Variants in DSCAML1 observed in about 807,000 individuals in gnomAD.
The protein encoded by DSCAML1 is cell adhesion molecule DSCAML1.
A neutral mutation model predicts 200.5 loss-of-function variants in DSCAML1; 38 were observed. That is an observed-to-expected ratio of 0.19 (90% CI 0.15 to 0.25). The LOEUF (loss-of-function observed/expected upper bound fraction) is 0.25. Among genes scored for constraint, DSCAML1 ranks in the 10% least tolerant of loss-of-function variants. DSCAML1 has a pLI of 1.00. For synonymous variants in DSCAML1, 1,215 were observed against 1,165.0 expected, an observed-to-expected ratio of 1.04 and a Z score of -0.87; for missense variants, 2,223 against 2,858.8, an observed-to-expected ratio of 0.78 and a Z score of 5.07.
chr11:117,497,374 G>A (rs1270430547), intron 11 of DSCAML1, among the ~76,000 whole-genome samples: 2 of 152,190 alleles, frequency 1.3e-5, no homozygotes, highest in Non-Finnish European at 2.9e-5. Context: ...GCTCAGGGCT[G>A]CAGACCTCCT....
At chr11:117,703,813 C>T (rs2053708461) in intron 3 of DSCAML1, among the ~76,000 whole-genome samples, 1 of 152,084 alleles carries the variant, frequency 6.6e-6, no homozygotes, top group Non-Finnish European at 1.5e-5. Flanking sequence ...AGAGGTGGCC[C>T]AAGAAACATT....
intron 3 of DSCAML1, among the ~76,000 whole-genome samples, chr11:117,667,319 C>T (rs894146645): frequency 2.6e-5 from 4 of 152,188 alleles, no homozygotes; most frequent in South Asian, 2.1e-4. Context: ...GGTTGAGGCA[C>T]GATAATTGCT....
At chr11:117,652,086 G>A (rs1490179362) in intron 3 of DSCAML1, among the ~76,000 whole-genome samples, 4 of 152,168 alleles carry the variant, frequency 2.6e-5, no homozygotes, top group South Asian at 2.1e-4. Context: ...TTCGGAGATC[G>A]CAAGGCTGAC....
rs1034227097 is a variant in DSCAML1, at chr11:117,763,804, C to T, written c.511+12987G>A. 3.3e-5 allele frequency among the ~76,000 whole-genome samples: 5 copies of T among 152,076 alleles called. No homozygotes were observed. In the South Asian group the frequency reaches 8.3e-4, roughly 25 times the overall value. The stretch of plus-strand genomic sequence containing the variant: ...GTCAGGGTTGGACACTGGTGGTTTT[C>T]GAAAGCTCCCCAGGGGACTCTAAAT... On this transcript the variant is annotated intron_variant, in intron 3 of 32. Transcript: ENST00000651296.
chr11:117,591,343 G>A (rs2051255890), intron 3 of DSCAML1, among the ~76,000 whole-genome samples: 1 of 152,088 alleles, frequency 6.6e-6, no homozygotes, highest in African/African-American at 2.4e-5. Flanking sequence ...CCTGCATCCC[G>A]TCCTGAGCGC....
intron 21 of DSCAML1, among the ~76,000 whole-genome samples, chr11:117,442,450 AGTGTGTGC>A (rs2048085890): frequency 6.6e-6 from 1 of 150,552 alleles, no homozygotes; most frequent in South Asian, 2.1e-4. Flanking sequence ...TGTGTGTATA[AGTGTGTGC>A]GCGTGCATAT....
At chr11:117,431,437 G>T in intron 31 of DSCAML1, 97 bp downstream of exon 31, 1 of 1,193,802 alleles carries the variant, frequency 8.4e-7, no homozygotes, top group Non-Finnish European at 1.1e-6. Context: ...TGGGCCCCAT[G>T]AGCTGGTGGG....
chr11:117,428,988 T>C (rs186363985), intron 32 of DSCAML1, among the ~76,000 whole-genome samples, 185 bp from the exon 33 acceptor site: 1 of 152,310 alleles, frequency 6.6e-6, no homozygotes, highest in African/African-American at 2.4e-5. Context: ...TTCGTTTCCT[T>C]ATCTGTGAAG....
chr11:117,570,507 A>C (rs2050830629), intron 3 of DSCAML1, among the ~76,000 whole-genome samples: 1 of 152,182 alleles, frequency 6.6e-6, no homozygotes, highest in Non-Finnish European at 1.5e-5. Flanking sequence ...TGAGAGCATA[A>C]AACTTGTGTG....
chr11:117,754,837 C>T (rs2137876791), intron 3 of DSCAML1, among the ~76,000 whole-genome samples: 1 of 152,246 alleles, frequency 6.6e-6, no homozygotes, highest in African/African-American at 2.4e-5. Flanking sequence ...GGGTGCCTCC[C>T]TCCCTACCTG....
intron 11 of DSCAML1, among the ~76,000 whole-genome samples, chr11:117,502,227 C>T (rs565240123): frequency 4.6e-5 from 7 of 152,266 alleles, no homozygotes; most frequent in Middle Eastern, 3.4e-3. Flanking sequence ...AGCTCCTGAC[C>T]GCTGTGTCCT....
At chr11:117,621,798 G>A (rs1356939931) in intron 3 of DSCAML1, among the ~76,000 whole-genome samples, 1 of 152,152 alleles carries the variant, frequency 6.6e-6, no homozygotes, top group Non-Finnish European at 1.5e-5. Context: ...CTATTTTAAA[G>A]GTGAAACAAG....
chr11:117,728,540 C>A (rs112760260), intron 3 of DSCAML1, among the ~76,000 whole-genome samples: 6 of 13,154 alleles, frequency 4.6e-4, no homozygotes, highest in African/African-American at 4.1e-4. Context: ...ATATAAAAAA[C>A]CCTTAGGAAT....
chr11:117,625,087 A>C (rs1309044039), intron 3 of DSCAML1, among the ~76,000 whole-genome samples: 1 of 151,982 alleles, frequency 6.6e-6, no homozygotes, highest in Non-Finnish European at 1.5e-5. Flanking sequence ...TCTGGGAATC[A>C]CTGGTCTGGG....
At chr11:117,646,517 T>A (rs939178648) in intron 3 of DSCAML1, among the ~76,000 whole-genome samples, 1 of 152,172 alleles carries the variant, frequency 6.6e-6, no homozygotes, top group Non-Finnish European at 1.5e-5. Context: ...CCTGATACTG[T>A]CAGCTGTTTC....
chr11:117,504,149 C>A lies in DSCAML1; in HGVS notation c.2183-128G>T. On this transcript the variant is annotated intron_variant, in intron 10 of 32. Coordinates refer to ENST00000651296, the MANE Select transcript of DSCAML1 (RefSeq NM_020693.4). The surrounding 1 kb of genome is among the most constrained non-coding windows in gnomAD (Gnocchi z 5.0). ...ATTTTGTAGCAGAGCTGCACCATCCCCAAAGTGCTGAGGCCACATGGCTCC... is the reference window on the plus strand; with the variant it reads ...ATTTTGTAGCAGAGCTGCACCATCCACAAAGTGCTGAGGCCACATGGCTCC... The A allele has an allele frequency of 8.8e-7, 1 of 1,139,442 alleles. No individual in the cohort carries two copies. The highest frequency in any genetic ancestry group is 1.2e-6 in the Non-Finnish European group (1 of 810,450). 70.6% of individuals were successfully genotyped at this position (1,139,442 alleles called of 1,614,324 possible). A position where few individuals can be genotyped will look rare whatever the true frequency, so the allele number is the denominator to read the frequency against.
chr11:117,699,677 C>A lies in DSCAML1; in HGVS notation c.511+77114G>T, dbSNP rs1017499527. ...CCCAGAGGCACAGAGCCGGGCCATC[C>A]CCGCCCAGTACCCACAGTGGCTCTG... On this transcript the variant is annotated intron_variant, in intron 3 of 32. Coordinates refer to ENST00000651296, the MANE Select transcript of DSCAML1 (RefSeq NM_020693.4). 4.6e-5 allele frequency among the ~76,000 whole-genome samples: 7 copies of A among 152,318 alleles called. No individual in the cohort carries two copies. The East Asian group carries it at 1.4e-3, about 29-fold the overall frequency.
At chr11:117,759,586 G>T (rs2054762248) in intron 3 of DSCAML1, among the ~76,000 whole-genome samples, 1 of 151,992 alleles carries the variant, frequency 6.6e-6, no homozygotes, top group Non-Finnish European at 1.5e-5. Context: ...TCTCCATGAG[G>T]GCGATCATCC....
intron 3 of DSCAML1, among the ~76,000 whole-genome samples, chr11:117,744,506 A>G (rs1251121545): frequency 6.6e-6 from 1 of 152,248 alleles, no homozygotes; most frequent in Non-Finnish European, 1.5e-5. Context: ...GACCTTTACA[A>G]GAAGCCTGGA....
Sources: gnomAD v4.1 joint callset for allele counts (sites outside exome capture counted in the v4.1 genomes callset) on GRCh38, gnomAD v4.1.1 for gene constraint, Gnocchi (gnomAD v3.1) non-coding constraint, MANE v1.5 for transcripts, NCBI Gene and HGNC (gene_info 2026-07-23, HGNC 2026-07-21) for gene names.